SCEL: variants seen among roughly 807,000 people sequenced by gnomAD.
SCEL encodes sciellin.
In SCEL, 113 loss-of-function variants were observed where a neutral mutation model predicts 117.6. That is an observed-to-expected ratio of 0.96 (90% CI 0.83 to 1.12). The LOEUF (loss-of-function observed/expected upper bound fraction) is 1.12, where lower values mean the gene tolerates loss of function less well. Among genes scored for constraint, SCEL ranks in the 50% most tolerant of loss-of-function variants. The probability of loss-of-function intolerance (pLI) is 0.00; values close to 1 mark genes in which losing one functional copy is unlikely to be tolerated. For missense variants in SCEL, 785 were observed against 810.8 expected (o/e 0.97, Z 0.39); for synonymous variants, 270 against 256.2 (o/e 1.05, Z -0.51).
intron 27 of SCEL, among the ~76,000 whole-genome samples, chr13:77,623,062 G>A (rs563687240): frequency 5.3e-5 from 8 of 152,260 alleles, no homozygotes; most frequent in African/African-American, 1.9e-4. Context: ...GCTTAACCCT[G>A]CAGCATTTGG....
chr13:77,633,442 C>CAAAAAAAAAAAAAAAAAAAAA, intron 28 of SCEL, among the ~76,000 whole-genome samples: 1 of 30,018 alleles, frequency 3.3e-5, no homozygotes, highest in African/African-American at 9.7e-5. Context: ...GACTCCGCCT[C>CAAAAAAAAAAAAAAAAAAAAA]AAAAAAAAAA....
At position 77,625,660 on chromosome 13, in the gene SCEL, C is replaced by T. The variant is rs370624105; in HGVS notation, c.1629-2287C>T. Among the ~76,000 whole-genome samples, 24 of 152,114 alleles carry T rather than the reference C, an allele frequency of 1.6e-4. No individual in the cohort carries two copies. In the South Asian group the frequency reaches 4.0e-3, roughly 25 times the overall value. ...CTTAAGTATGGCTAGGGAATGCTGC[C>T]GAATTTGCATATTTTACCAATTATT... is the stretch of plus-strand genomic sequence containing the variant. On this transcript the variant is annotated intron_variant, in intron 27 of 32. Transcript: ENST00000349847.
chr13:77,571,625 GT>G (rs1173506748), intron 8 of SCEL, among the ~76,000 whole-genome samples: 1 of 151,080 alleles, frequency 6.6e-6, no homozygotes, highest in Non-Finnish European at 1.5e-5. Flanking sequence ...GGAGACGGAA[GT>G]TGTGGTGAGC....
intron 24 of SCEL, among the ~76,000 whole-genome samples, chr13:77,614,857 C>T (rs1251122059): frequency 6.6e-6 from 1 of 152,050 alleles, no homozygotes; most frequent in African/African-American, 2.4e-5. Flanking sequence ...ACTGGGTTCA[C>T]AGCTTACAAC....
chr13:77,619,044 A>G (rs1343202396), intron 27 of SCEL, among the ~76,000 whole-genome samples: 36 of 152,256 alleles, frequency 2.4e-4, no homozygotes, highest in Admixed American at 2.3e-3. Flanking sequence ...GCACTGTATC[A>G]GAAGTCCAAA....
rs3039404 is a variant in SCEL at position 77,637,413 on chromosome 13, AATAT to A, written c.1838+234_1838+237del. 8.5e-4 allele frequency among the ~76,000 whole-genome samples: 93 copies of A among 108,956 alleles called. 4 individuals are homozygous for A. The South Asian group carries it at 9.4e-3, about 11-fold the overall frequency. The allele number at this position is 108,956 out of a possible 152,430, so 71.5% of individuals were successfully genotyped here. A position where few individuals can be genotyped will look rare whatever the true frequency, so the allele number is the denominator to read the frequency against. On this transcript the variant is annotated intron_variant, in intron 30 of 32. Transcript: ENST00000349847. Reference sequence around the variant, plus strand: ...ATAAATATATATACATATATAAATAAATATATATATATATATATTTCTTGCTGTT... The same window carrying A: ...ATAAATATATATACATATATAAATAAATATATATATATATTTCTTGCTGTT...
At chr13:77,580,086 G>A (rs918954475) in intron 9 of SCEL, among the ~76,000 whole-genome samples, 7 of 152,174 alleles carry the variant, frequency 4.6e-5, no homozygotes, top group African/African-American at 1.7e-4. Context: ...CATAATTTGT[G>A]GTAAGCCTAA....
rs1034890967 is a variant in SCEL at position 77,600,044 on chromosome 13, A to G, written c.917+296A>G. 1.9e-5 allele frequency: 7 copies of G among 361,038 alleles called. No individual in the cohort carries two copies. The Admixed American group carries it at 2.8e-4, about 15-fold the overall frequency. 22.4% of individuals were successfully genotyped at this position (361,038 alleles called of 1,614,324 possible). A position where few individuals can be genotyped will look rare whatever the true frequency, so the allele number is the denominator to read the frequency against. On this transcript the variant is annotated intron_variant, in intron 15 of 32. Coordinates refer to ENST00000349847, the MANE Select transcript of SCEL (RefSeq NM_144777.3). ...ATCTAAAATGGAAAGAAACACAACT[A>G]GCTGTTACAAGTAGTGGAGAATAGG... is the stretch of plus-strand genomic sequence containing the variant.
rs540933107 is a variant in SCEL at position 77,618,000 on chromosome 13, A to G, written c.1572-4A>G. The G allele has an allele frequency of 6.2e-7, 1 of 1,613,462 alleles. No homozygotes were observed. Among genetic ancestry groups the G allele is most frequent in the East Asian group, 2.2e-5 (1 of 44,874 alleles). ...GAACTTTTTTCTCTCTCTCTTTTAA[A>G]CAGCCAAGACTTGGACAATCTTATT... On this transcript the variant is annotated splice_region_variant and splice_polypyrimidine_tract_variant and intron_variant, in intron 26 of 32. Transcript: ENST00000349847.
At chr13:77,624,024 G>A (rs2089578264) in intron 27 of SCEL, among the ~76,000 whole-genome samples, 1 of 151,812 alleles carries the variant, frequency 6.6e-6, no homozygotes, top group South Asian at 2.1e-4. Context: ...CTTCCACGGA[G>A]TTGGTTCCTT....
At chr13:77,595,192 T>C (rs1419278707) in intron 12 of SCEL, among the ~76,000 whole-genome samples, 1 of 152,162 alleles carries the variant, frequency 6.6e-6, no homozygotes, top group East Asian at 1.9e-4. Flanking sequence ...GCCATAATGC[T>C]CAAATTCCAC....
At chr13:77,632,001 G>T (rs528619346) in intron 28 of SCEL, among the ~76,000 whole-genome samples, 1 of 152,254 alleles carries the variant, frequency 6.6e-6, no homozygotes, top group African/African-American at 2.4e-5. Context: ...GTACTCACAT[G>T]GCCTTTCCTC....
intron 15 of SCEL, among the ~76,000 whole-genome samples, chr13:77,600,444 A>G (rs1409189946): frequency 6.6e-6 from 1 of 152,172 alleles, no homozygotes; most frequent in East Asian, 1.9e-4. Context: ...TGAAGTCTTT[A>G]GAGTGTATAA....
At chr13:77,602,622 C>A in intron 16 of SCEL, 32 bp from the exon 17 acceptor site, 2 of 1,591,538 alleles carry the variant, frequency 1.3e-6, no homozygotes, top group Non-Finnish European at 1.7e-6. Context: ...GTACTGTAAC[C>A]TAACTGACAA....
At chr13:77,597,182 C>T (rs1421485653) in intron 12 of SCEL, 1 of 225,762 alleles carries the variant, frequency 4.4e-6, no homozygotes, top group Non-Finnish European at 8.4e-6. Flanking sequence ...ATGTAAAATA[C>T]AGTTCTAAAT....
Position 77,612,884 on chromosome 13 carries a change from T to C in SCEL, c.1338-7T>C. On this transcript the variant is annotated splice_polypyrimidine_tract_variant and splice_region_variant and intron_variant, in intron 22 of 32. Transcript: ENST00000349847. ...GACTTAGCTATTGAAACTTAACATT[T>C]TTTTAGGAACCAAGACTTGGAAAAT... 2 of 1,529,982 alleles carry C rather than the reference T, an allele frequency of 1.3e-6. No homozygotes were observed. The highest frequency in any genetic ancestry group is 1.8e-6 in the Non-Finnish European group (2 of 1,129,632). The allele number at this position is 1,529,982 out of a possible 1,614,324, so 94.8% of individuals were successfully genotyped here. A position where few individuals can be genotyped will look rare whatever the true frequency, so the allele number is the denominator to read the frequency against.
chr13:77,641,637 G>A (rs1567454849), intron 31 of SCEL, among the ~76,000 whole-genome samples: 1 of 152,102 alleles, frequency 6.6e-6, no homozygotes, highest in Admixed American at 6.6e-5. Context: ...TTGGGCATTG[G>A]TATTTTTAAA....
At chr13:77,622,802 C>T (rs1202517818) in intron 27 of SCEL, among the ~76,000 whole-genome samples, 1 of 152,162 alleles carries the variant, frequency 6.6e-6, no homozygotes, top group African/African-American at 2.4e-5. Flanking sequence ...TTCGAGACTG[C>T]AGTGAGCTAT....
At position 77,627,956 on chromosome 13, in the gene SCEL, C is replaced by T. The variant is rs2089830732; in HGVS notation, c.1638C>T (p.Asn546=). The change falls in exon 28 of 33, where the codon AAC becomes AAT. Residue 546 remains asparagine, a synonymous_variant. Transcript: ENST00000349847. ...ATATTTTTTTCCTTAGAGACCAGAA[C>T]CTGGAAAATTTAATTGAAGTAAATT... is the stretch of plus-strand genomic sequence containing the variant. ...SALRNTNRDQ[N]LENLIEVNSH... The T allele has an allele frequency of 2.1e-6, 3 of 1,462,100 alleles. No homozygotes were observed. The highest frequency in any genetic ancestry group is 2.8e-6 in the Non-Finnish European group (3 of 1,066,806). The allele number at this position is 1,462,100 out of a possible 1,614,324, so 90.6% of individuals were successfully genotyped here.
Sources: gnomAD v4.1 joint callset for allele counts (sites outside exome capture counted in the v4.1 genomes callset) on GRCh38, gnomAD v4.1.1 for gene constraint, MANE v1.5 for transcripts, NCBI Gene and HGNC (gene_info 2026-07-23, HGNC 2026-07-21) for gene names.